EPHB4: variants seen among roughly 807,000 people sequenced by gnomAD.
EPHB4 encodes EPH receptor B4.
Under a neutral mutation model 110.6 loss-of-function variants are expected in EPHB4, and 50 were observed. The ratio of observed to expected loss-of-function variants is 0.45; its 90% CI spans 0.36 to 0.57. The LOEUF is 0.57. Ranked by LOEUF, EPHB4 falls within the 20% of genes least tolerant of loss-of-function variation. The probability of loss-of-function intolerance (pLI) is 0.00; values close to 1 mark genes in which losing one functional copy is unlikely to be tolerated. For synonymous variants in EPHB4, 592 were observed against 578.4 expected (o/e 1.02, Z -0.34); for missense variants, 1,128 against 1,382.1 (o/e 0.82, Z 2.91).
In EPHB4 at chr7:100,819,859, G is replaced by C; in HGVS notation, c.995C>G (p.Ser332Cys). 1 of 1,550,946 alleles carries C rather than the reference G, an allele frequency of 6.4e-7. No homozygotes were observed. Among genetic ancestry groups the C allele is most frequent in the Non-Finnish European group, 8.7e-7 (1 of 1,146,984 alleles). The change falls in exon 6 of 17, where the codon TCC (serine) becomes TGC (cysteine). Residue 332 changes from serine (S) to cysteine (C), a missense_variant. Transcript: ENST00000358173. The part of the protein sequence containing the change: ...TPPSAPRSVV[S>C]RLNGSSLHLE... ...GTGCAGGGAGGAGCCGTTCAGGCGG[G>C]AAACCACGCTCCGCGGAGCCGAAGG...
chr7:100,811,380 T>TC (rs1812930127), intron 12 of EPHB4, among the ~76,000 whole-genome samples: 2 of 152,294 alleles, frequency 1.3e-5, no homozygotes, highest in Non-Finnish European at 1.5e-5. Context: ...CCCGTTTGCT[T>TC]TTTTTCACAT....
At chr7:100,809,067 C>A (rs373025558) in intron 12 of EPHB4, among the ~76,000 whole-genome samples, 2 of 152,314 alleles carry the variant, frequency 1.3e-5, no homozygotes, top group Admixed American at 6.5e-5. Flanking sequence ...CCTCTCCCAG[C>A]TCCTGCTCTT....
At chr7:100,818,486 G>T in intron 7 of EPHB4, 34 bp downstream of exon 7, 1 of 1,609,086 alleles carries the variant, frequency 6.2e-7, no homozygotes, top group East Asian at 2.2e-5. Flanking sequence ...ACAACCCATT[G>T]CCCACCCACC....
chr7:100,817,158 C>T (rs753811653), intron 8 of EPHB4, 34 bp downstream of exon 8: 1 of 1,475,360 alleles, frequency 6.8e-7, no homozygotes, highest in Non-Finnish European at 8.9e-7. Context: ...GGGGTCTTTC[C>T]AACCCCCACC....
rs146906933 is a variant in EPHB4 at position 100,803,109 on chromosome 7, G to A, written c.*352C>T. The A allele has an allele frequency of 7.1e-4, 122 of 171,372 alleles. No homozygotes were observed. Among genetic ancestry groups the A allele is most frequent in the African/African-American group, 2.7e-3 (114 of 42,340 alleles). 10.6% of individuals were successfully genotyped at this position (171,372 alleles called of 1,614,324 possible). On this transcript the variant is annotated 3_prime_UTR_variant, in exon 17 of 17. Transcript: ENST00000358173. ...CCTGGGACAGCCCCCCCACTCTGGA[G>A]CTGGCAAGGGAGTCACACTCTCTTT... is the stretch of plus-strand genomic sequence containing the variant.
chr7:100,813,932 C>G lies in EPHB4; in HGVS notation c.1678G>C (p.Val560Leu). Residue 560 changes from valine to leucine, a missense_variant, in exon 9 of 17, where the codon GTT becomes CTT. Physicochemically the swap from Val to Leu is conservative, Grantham distance 32. Coordinates refer to ENST00000358173, the MANE Select transcript of EPHB4 (RefSeq NM_004444.5). Reference sequence around the variant, plus strand: ...CAGAGCCCTTACCTGAGGCAGAGAACTGCGACCACAATGACCACCAGGACC... The same window carrying G: ...CAGAGCCCTTACCTGAGGCAGAGAAGTGCGACCACAATGACCACCAGGACC... ...VLVLVVIVVA[V>L]LCLRKQSNGR... 1 of 1,614,168 alleles carries G rather than the reference C, an allele frequency of 6.2e-7. No individual in the cohort carries two copies. Among genetic ancestry groups the G allele is most frequent in the South Asian group, 1.1e-5 (1 of 91,084 alleles).
intron 12 of EPHB4, 51 bp from the exon 13 acceptor site, chr7:100,807,631 C>A (rs746651892): frequency 1.9e-5 from 30 of 1,560,340 alleles, no homozygotes; most frequent in African/African-American, 2.7e-5. Context: ...ACCCACCGTT[C>A]CCCCTCCCAT....
At chr7:100,814,317 C>T (rs1813015998) in intron 8 of EPHB4, among the ~76,000 whole-genome samples, 1 of 152,328 alleles carries the variant, frequency 6.6e-6, no homozygotes, top group Middle Eastern at 3.4e-3. Flanking sequence ...CTCACTCTGT[C>T]GCCCAGGCTG....
At position 100,819,634 on chromosome 7, in the gene EPHB4, G is replaced by A; in HGVS notation, c.1220C>T (p.Thr407Ile). ...TAAGGAGGATACCCCGTTCAATGCA[G>A]TGACCTCAAAGGTATAGGTGAAGTC... The part of the protein sequence containing the change: ...RPDFTYTFEV[T>I]ALNGVSSLAT... The change falls in exon 6 of 17, where the codon ACT becomes ATT. Residue 407 changes from threonine to isoleucine, a missense_variant. Physicochemically the swap from Thr to Ile is moderately conservative, Grantham distance 89. Around this residue, in one of 3 missense-constraint regions of EPHB4, gnomAD observed 728 missense variants for 828.6 expected, o/e 0.88. Transcript: ENST00000358173. The A allele has an allele frequency of 6.2e-7, 1 of 1,610,092 alleles. No individual in the cohort carries two copies. Among genetic ancestry groups the A allele is most frequent in the Non-Finnish European group, 8.5e-7 (1 of 1,176,824 alleles).
rs1043059030 is a variant in EPHB4 at position 100,822,984 on chromosome 7, G to T, written c.412-317C>A. On this transcript the variant is annotated intron_variant, in intron 3 of 16. Transcript: ENST00000358173. The surrounding 1 kb of genome is among the most constrained non-coding windows in gnomAD (Gnocchi z 4.7). Reference sequence around the variant, plus strand: ...GAGACAGCGATGAATGAATCCTGGGGAAGTTATAAAGTACCATGAGGCCGG... The same window carrying T: ...GAGACAGCGATGAATGAATCCTGGGTAAGTTATAAAGTACCATGAGGCCGG... Among the ~76,000 whole-genome samples the T allele has an allele frequency of 9.2e-5, 14 of 152,142 alleles. No homozygotes were observed. The highest frequency in any genetic ancestry group is 3.3e-4 in the Admixed American group (5 of 15,274).
At chr7:100,814,184 G>A in intron 8 of EPHB4, 163 bp from the exon 9 acceptor site, 1 of 700,562 alleles carries the variant, frequency 1.4e-6, no homozygotes, top group East Asian at 2.8e-5. Flanking sequence ...AACAAACAGT[G>A]GGTTTCAAAC....
In EPHB4 at chr7:100,827,070, G is replaced by A; in HGVS notation, c.-40C>T. The A allele has an allele frequency of 6.4e-7, 1 of 1,555,232 alleles. No homozygotes were observed. Among genetic ancestry groups the A allele is most frequent in the Non-Finnish European group, 8.7e-7 (1 of 1,149,458 alleles). On this transcript the variant is annotated 5_prime_UTR_variant, in exon 1 of 17. Transcript: ENST00000358173. ...CGGGTAGGATCCGAACTGAGTTTGG[G>A]GGGCCCTCGCCCCCCCAGGTCTGAC...
At chr7:100,803,867 T>C (rs1204444924) in intron 16 of EPHB4, among the ~76,000 whole-genome samples, 1 of 151,384 alleles carries the variant, frequency 6.6e-6, no homozygotes, top group Non-Finnish European at 1.5e-5. Flanking sequence ...GCCCGCAAAA[T>C]GAGACTGGGG....
rs780811289 is a variant in EPHB4, at chr7:100,820,189, C to T, written c.916G>A (p.Val306Ile). ...TCTGTGCGTGCCCGGAAGTACCCGA[C>T]GCGGCACTGGCAGACGGCTGATCCA... ...TIGSAVCQCR[V>I]GYFRARTDPR... Residue 306 changes from valine to isoleucine, a missense_variant, in exon 5 of 17, where the codon GTC becomes ATC. Physicochemically the swap from Val to Ile is conservative, Grantham distance 29 (BLOSUM62 3). Transcript: ENST00000358173. 2.2e-5 allele frequency: 35 copies of T among 1,613,950 alleles called. No individual in the cohort carries two copies. In the South Asian group the frequency reaches 3.4e-4, roughly 16 times the overall value.
intron 12 of EPHB4, among the ~76,000 whole-genome samples, chr7:100,810,496 C>T (rs1366145584): frequency 1.3e-5 from 2 of 152,212 alleles, no homozygotes; most frequent in East Asian, 3.9e-4. Context: ...AATCCCAGCA[C>T]TTTGAGAGGT....
In EPHB4 at chr7:100,827,109, G is replaced by T; in HGVS notation, c.-79C>A. On this transcript the variant is annotated 5_prime_UTR_variant, in exon 1 of 17. Transcript: ENST00000358173. Reference sequence around the variant, plus strand: ...CCCAGGTCTGACTCTCCCTGGGCGGGTGGACGCCGATACTCCGCGCGGGAC... The same window carrying T: ...CCCAGGTCTGACTCTCCCTGGGCGGTTGGACGCCGATACTCCGCGCGGGAC... 1 of 1,478,018 alleles carries T rather than the reference G, an allele frequency of 6.8e-7. No individual in the cohort carries two copies. The highest frequency in any genetic ancestry group is 9.2e-7 in the Non-Finnish European group (1 of 1,092,378). 91.6% of individuals were successfully genotyped at this position (1,478,018 alleles called of 1,614,324 possible).
At chr7:100,820,040 C>T (rs1361440645) in intron 5 of EPHB4, 101 bp downstream of exon 5, 8 of 1,530,598 alleles carry the variant, frequency 5.2e-6, no homozygotes, top group South Asian at 1.2e-5. Flanking sequence ...ATGCCAGGGA[C>T]AAAGGGAAGA....
chr7:100,816,334 G>T (rs887099830), intron 8 of EPHB4, among the ~76,000 whole-genome samples: 1 of 151,588 alleles, frequency 6.6e-6, no homozygotes, highest in African/African-American at 2.4e-5. Context: ...CAAGCCTGCG[G>T]TGAGCTTTTT....
chr7:100,826,310 C>T (rs1157725409), intron 1 of EPHB4, among the ~76,000 whole-genome samples: 2 of 152,068 alleles, frequency 1.3e-5, no homozygotes, highest in Admixed American at 1.3e-4. Context: ...TCAGTTTCTA[C>T]CCGCTCCTAG....
Sources: allele counts gnomAD v4.1 joint callset (sites outside exome capture counted in the v4.1 genomes callset), GRCh38; gene constraint gnomAD v4.1.1; regional missense constraint gnomAD v4.1.1; non-coding constraint Gnocchi (gnomAD v3.1); transcripts MANE v1.5; gene names NCBI Gene and HGNC (gene_info 2026-07-23, HGNC 2026-07-21).